Variants in RAB3GAP2 observed in about 807,000 individuals in gnomAD.
The protein encoded by RAB3GAP2 is rab3 GTPase-activating protein non-catalytic subunit.
Under a neutral mutation model 185.3 loss-of-function variants are expected in RAB3GAP2, and 87 were observed. That is an observed-to-expected ratio of 0.47 (90% CI 0.39 to 0.56). RAB3GAP2 has a LOEUF of 0.56. Ranked by LOEUF, RAB3GAP2 falls within the 20% of genes least tolerant of loss-of-function variation. RAB3GAP2 has a pLI of 0.00. For synonymous variants in RAB3GAP2, 554 were observed against 576.1 expected (o/e 0.96, Z 0.55); for missense variants, 1,492 against 1,638.2 (o/e 0.91, Z 1.54).
At chr1:220,253,930 G>T (rs535484618) in intron 1 of RAB3GAP2, 1 of 1,613,746 alleles carries the variant, frequency 6.2e-7, no homozygotes, top group Admixed American at 1.7e-5. Context: ...ACCTGGAAAT[G>T]GAGATGGTGG....
chr1:220,202,381 A>G lies in RAB3GAP2; in HGVS notation c.713-7T>C. On this transcript the variant is annotated splice_polypyrimidine_tract_variant and splice_region_variant and intron_variant, in intron 8 of 34. Transcript: ENST00000358951. The stretch of plus-strand genomic sequence containing the variant: ...TCATTGCCTGATGCTGCAGCTACCA[A>G]AGATAAAATAAGACAATCCAAACTT... 6.2e-7 allele frequency: 1 copy of G among 1,610,768 alleles called. No individual in the cohort carries two copies. The highest frequency in any genetic ancestry group is 8.5e-7 in the Non-Finnish European group (1 of 1,177,186).
chr1:220,214,961 T>TATATATATATATAC (rs1553279025), intron 2 of RAB3GAP2, among the ~76,000 whole-genome samples: 5 of 143,072 alleles, frequency 3.5e-5, no homozygotes, highest in Non-Finnish European at 7.6e-5. Flanking sequence ...TATATATATA[T>TATATATATATATAC]ATATATATAT....
intron 1 of RAB3GAP2, among the ~76,000 whole-genome samples, chr1:220,240,555 C>T (rs1659671326): frequency 6.6e-6 from 1 of 152,006 alleles, no homozygotes; most frequent in Admixed American, 6.6e-5. Flanking sequence ...TTTTGTTTGT[C>T]CACCTCAGTT....
chr1:220,247,435 G>A (rs1172192637), intron 1 of RAB3GAP2, among the ~76,000 whole-genome samples: 4 of 152,180 alleles, frequency 2.6e-5, no homozygotes, highest in African/African-American at 9.7e-5. Flanking sequence ...ATTAAGGAAT[G>A]AAATAATGTC....
chr1:220,208,972 C>G lies in RAB3GAP2; in HGVS notation c.612+1416G>C, dbSNP rs187698202. 5.3e-3 allele frequency among the ~76,000 whole-genome samples: 813 copies of G among 152,300 alleles called. 4 individuals carry two copies. The highest frequency in any genetic ancestry group is 0.018 in the African/African-American group (763 of 41,562). ...GCTCAGGCAATCCGCCCACCTCGGG[C>G]TCCCAAAGTGCTGGGATTACAGGTG... On this transcript the variant is annotated intron_variant, in intron 7 of 34. Coordinates refer to ENST00000358951, the MANE Select transcript of RAB3GAP2 (RefSeq NM_012414.4).
chr1:220,197,921 T>G (rs542492559), intron 9 of RAB3GAP2, among the ~76,000 whole-genome samples: 38 of 152,298 alleles, frequency 2.5e-4, no homozygotes, highest in African/African-American at 8.4e-4. Flanking sequence ...AACTGTAGAT[T>G]CTTTGTATTT....
intron 1 of RAB3GAP2, chr1:220,253,428 G>A (rs1659974371): frequency 7.4e-7 from 1 of 1,350,042 alleles, no homozygotes; most frequent in Admixed American, 2.6e-5. Flanking sequence ...AGAGTGGCCA[G>A]ACTGTTAAAA....
intron 13 of RAB3GAP2, among the ~76,000 whole-genome samples, chr1:220,192,835 T>C (rs958558177): frequency 1.7e-4 from 26 of 152,158 alleles, no homozygotes; most frequent in Admixed American, 1.4e-3. Context: ...CCCAAGCATA[T>C]GGATATAAAA....
intron 2 of RAB3GAP2, among the ~76,000 whole-genome samples, chr1:220,218,626 T>C (rs983739642): frequency 7.9e-5 from 12 of 151,994 alleles, no homozygotes; most frequent in Admixed American, 7.2e-4. Flanking sequence ...CATTAGGAGA[T>C]ATATCTAATG....
chr1:220,172,756 T>A lies in RAB3GAP2; in HGVS notation c.2311-14A>T. ...CAGGAGCAGAGACTGAAATCAAATTTAAATCTTTTTCAGTCTAAAAAAAAA... is the reference window on the plus strand; with the variant it reads ...CAGGAGCAGAGACTGAAATCAAATTAAAATCTTTTTCAGTCTAAAAAAAAA... On this transcript the variant is annotated splice_polypyrimidine_tract_variant and intron_variant, in intron 21 of 34. Coordinates refer to ENST00000358951, the MANE Select transcript of RAB3GAP2 (RefSeq NM_012414.4). 1 of 1,574,398 alleles carries A rather than the reference T, an allele frequency of 6.4e-7. No homozygotes were observed. The highest frequency in any genetic ancestry group is 8.7e-7 in the Non-Finnish European group (1 of 1,143,980).
chr1:220,176,507 C>T (rs1225729840), intron 21 of RAB3GAP2, among the ~76,000 whole-genome samples: 1 of 152,216 alleles, frequency 6.6e-6, no homozygotes, highest in East Asian at 1.9e-4. Context: ...CCACCAAAAC[C>T]ATTTGCCATG....
At position 220,149,102 on chromosome 1, in the gene RAB3GAP2, A is replaced by G. The variant is rs1465560009; in HGVS notation, c.*2149T>C. 9.9e-5 allele frequency: 15 copies of G among 152,188 alleles called. No homozygotes were observed. Among genetic ancestry groups the G allele is most frequent in the Admixed American group, 9.8e-4 (15 of 15,274 alleles). The allele number at this position is 152,188 out of a possible 1,614,324, so 9.4% of individuals were successfully genotyped here. A position where few individuals can be genotyped will look rare whatever the true frequency, so the allele number is the denominator to read the frequency against. On this transcript the variant is annotated 3_prime_UTR_variant, in exon 35 of 35. Coordinates refer to ENST00000358951, the MANE Select transcript of RAB3GAP2 (RefSeq NM_012414.4). ...TTATCATCTATGGCTCTTTGTTATTATAGAATGTCTACATAGGTATTTATT... is the reference window on the plus strand; with the variant it reads ...TTATCATCTATGGCTCTTTGTTATTGTAGAATGTCTACATAGGTATTTATT...
At chr1:220,171,223 C>T in intron 23 of RAB3GAP2, 103 bp from the exon 24 acceptor site, 1 of 951,576 alleles carries the variant, frequency 1.1e-6, no homozygotes, top group Non-Finnish European at 1.7e-6. Flanking sequence ...GGATACATCA[C>T]AAAGCAACAC....
chr1:220,248,620 T>C (rs1166630291), intron 1 of RAB3GAP2, among the ~76,000 whole-genome samples: 1 of 151,980 alleles, frequency 6.6e-6, no homozygotes, highest in Non-Finnish European at 1.5e-5. Flanking sequence ...TTTGGTTTTT[T>C]TTTTTTGGAT....
At chr1:220,264,259 T>C (rs1462860114) in intron 1 of RAB3GAP2, among the ~76,000 whole-genome samples, 1 of 152,106 alleles carries the variant, frequency 6.6e-6, no homozygotes, top group African/African-American at 2.4e-5. Flanking sequence ...GCTTGAGTTA[T>C]TACAATTATT....
In RAB3GAP2 at chr1:220,185,668, T is replaced by A; in HGVS notation, c.1853A>T (p.Asp618Val). Residue 618 changes from aspartate (D) to valine (V), a missense_variant, in exon 18 of 35, where the codon GAC (aspartate) becomes GTC (valine). Coordinates refer to ENST00000358951, the MANE Select transcript of RAB3GAP2 (RefSeq NM_012414.4). The part of the protein sequence containing the change: ...CLRNITQTLM[D>V]TLKSQELESV... ...CCTATTACCTTGACTTTTTAAAGTG[T>A]CCATTAAAGTCTGAGTGATGTTTCT... The A allele has an allele frequency of 6.2e-7, 1 of 1,610,484 alleles. No individual in the cohort carries two copies. The highest frequency in any genetic ancestry group is 8.5e-7 in the Non-Finnish European group (1 of 1,176,986).
At chr1:220,182,962 T>TTCCA in intron 19 of RAB3GAP2, 31 bp from the exon 20 acceptor site, 1 of 1,535,924 alleles carries the variant, frequency 6.5e-7, no homozygotes, top group Non-Finnish European at 9.0e-7. Flanking sequence ...CAAAACAACA[T>TTCCA]TCCACATCTA....
At chr1:220,174,605 A>G (rs1658252490) in intron 21 of RAB3GAP2, among the ~76,000 whole-genome samples, 3 of 152,180 alleles carry the variant, frequency 2.0e-5, no homozygotes, top group South Asian at 2.1e-4. Context: ...CTGTTGTGCT[A>G]TCAAATAGAA....
At chr1:220,209,430 C>T (rs1659036978) in intron 7 of RAB3GAP2, among the ~76,000 whole-genome samples, 1 of 152,110 alleles carries the variant, frequency 6.6e-6, no homozygotes, top group Non-Finnish European at 1.5e-5. Context: ...AAATTCTATA[C>T]CCATTATTCA....
Sources: gnomAD v4.1 joint callset for allele counts (sites outside exome capture counted in the v4.1 genomes callset) on GRCh38, gnomAD v4.1.1 for gene constraint, MANE v1.5 for transcripts, NCBI Gene and HGNC (gene_info 2026-07-23, HGNC 2026-07-21) for gene names.